The following LINGO2 variants were observed in gnomAD, a reference collection of about 807,000 sequenced individuals.
LINGO2 encodes the protein leucine rich repeat and Ig domain containing 2.
In LINGO2, 14 loss-of-function variants were observed where a neutral mutation model predicts 30.6. That is an observed-to-expected ratio of 0.46 (90% CI 0.30 to 0.72). LINGO2 has a LOEUF of 0.72. Among genes scored for constraint, LINGO2 ranks in the 30% least tolerant of loss-of-function variants. LINGO2 has a pLI of 0.07. For missense variants in LINGO2, 729 were observed against 751.7 expected (o/e 0.97, Z 0.35); for synonymous variants, 317 against 288.5 (o/e 1.10, Z -1.00).
At chr9:29,001,872 A>T in the LINGO2 span, among the ~76,000 whole-genome samples, 1 of 151,836 alleles carries the variant, frequency 6.6e-6, no homozygotes, top group Non-Finnish European at 1.5e-5. Flanking sequence ...TTTCCCCACC[A>T]CTTACAGGTG....
At chr9:28,707,736 G>T in the LINGO2 span, among the ~76,000 whole-genome samples, 9 of 151,984 alleles carry the variant, frequency 5.9e-5, no homozygotes, top group East Asian at 1.2e-3. Flanking sequence ...AATACCTTAG[G>T]GGGCTGTATC....
intron 2 of LINGO2, among the ~76,000 whole-genome samples, chr9:28,463,384 T>C (rs1266066949): frequency 1.3e-5 from 2 of 151,752 alleles, no homozygotes; most frequent in African/African-American, 4.8e-5. Context: ...AAAAAATATA[T>C]AAATAAGTAA....
At chr9:28,953,126 C>T in the LINGO2 span, among the ~76,000 whole-genome samples, 1 of 152,020 alleles carries the variant, frequency 6.6e-6, no homozygotes, top group Non-Finnish European at 1.5e-5. Context: ...TATTGGGGTA[C>T]ATATGTTTGG....
the LINGO2 span, among the ~76,000 whole-genome samples, chr9:28,944,482 T>C: frequency 2.0e-5 from 3 of 151,750 alleles, no homozygotes; most frequent in African/African-American, 7.3e-5. Context: ...CTCGGCTCAT[T>C]GCAACCTCTG....
chr9:28,214,007 T>C (rs1820682022), intron 4 of LINGO2, among the ~76,000 whole-genome samples: 1 of 151,624 alleles, frequency 6.6e-6, no homozygotes, highest in African/African-American at 2.4e-5. Flanking sequence ...GGAGGATTTT[T>C]TGACTTATAT....
At chr9:29,069,587 G>A in the LINGO2 span, among the ~76,000 whole-genome samples, 1 of 151,968 alleles carries the variant, frequency 6.6e-6, no homozygotes, top group South Asian at 2.1e-4. Context: ...GGGTGCTGTA[G>A]AAACATTCTT....
At chr9:29,145,419 T>C in the LINGO2 span, among the ~76,000 whole-genome samples, 1 of 146,740 alleles carries the variant, frequency 6.8e-6, no homozygotes, top group Non-Finnish European at 1.5e-5. Flanking sequence ...AAAAAATTAG[T>C]GTTTTTTTTT....
intron 2 of LINGO2, among the ~76,000 whole-genome samples, chr9:28,383,595 A>G (rs1432406100): frequency 1.3e-5 from 2 of 152,082 alleles, no homozygotes; most frequent in African/African-American, 4.8e-5. Flanking sequence ...AAATATATAC[A>G]GGAAATTGGA....
At chr9:28,125,027 C>A (rs955490532) in intron 4 of LINGO2, among the ~76,000 whole-genome samples, 3 of 152,196 alleles carry the variant, frequency 2.0e-5, no homozygotes, top group Admixed American at 1.3e-4. Flanking sequence ...ATCCTAAATG[C>A]CATTTCAAAT....
chr9:28,330,261 T>C (rs901566274), intron 3 of LINGO2, among the ~76,000 whole-genome samples: 1 of 152,154 alleles, frequency 6.6e-6, no homozygotes, highest in African/African-American at 2.4e-5. Flanking sequence ...CCTCAGCCTC[T>C]AAAATTGTGA....
At chr9:28,954,972 G>A in the LINGO2 span, among the ~76,000 whole-genome samples, 1 of 152,000 alleles carries the variant, frequency 6.6e-6, no homozygotes, top group African/African-American at 2.4e-5. Flanking sequence ...GACTCATACC[G>A]AACCAATGTC....
At chr9:28,483,684 G>T (rs753696721) in intron 1 of LINGO2, among the ~76,000 whole-genome samples, 1 of 151,824 alleles carries the variant, frequency 6.6e-6, no homozygotes, top group Non-Finnish European at 1.5e-5. Flanking sequence ...TATATATGTT[G>T]TCTCACTGTG....
the LINGO2 span, among the ~76,000 whole-genome samples, chr9:29,097,995 C>A: frequency 1.1e-5 from 1 of 88,900 alleles, no homozygotes; most frequent in Non-Finnish European, 2.4e-5. Context: ...AAAGCACTAT[C>A]TAAATAAAAT....
the LINGO2 span, among the ~76,000 whole-genome samples, chr9:28,891,346 T>G: frequency 6.6e-6 from 1 of 152,016 alleles, no homozygotes; most frequent in Non-Finnish European, 1.5e-5. Flanking sequence ...CATAGTATTT[T>G]ATCATTCTTA....
chr9:27,987,040 T>TG (rs146091060), intron 5 of LINGO2, among the ~76,000 whole-genome samples: 1,610 of 151,746 alleles, frequency 0.011, 26 homozygotes, highest in African/African-American at 0.036. Context: ...CGACTTTTTT[T>TG]TGTGTGTGTG....
At chr9:28,243,811 C>T (rs1821898161) in intron 4 of LINGO2, among the ~76,000 whole-genome samples, 1 of 152,128 alleles carries the variant, frequency 6.6e-6, no homozygotes, top group African/African-American at 2.4e-5. Context: ...TACAAGAGCA[C>T]CCAGATTCAT....
At chr9:29,183,929 T>C in the LINGO2 span, among the ~76,000 whole-genome samples, 1 of 151,988 alleles carries the variant, frequency 6.6e-6, no homozygotes, top group African/African-American at 2.4e-5. Flanking sequence ...AATGTAACAC[T>C]TGAGATGCAC....
chr9:28,165,673 T>C (rs114334738), intron 4 of LINGO2, among the ~76,000 whole-genome samples: 2,112 of 152,298 alleles, frequency 0.014, 50 homozygotes, highest in African/African-American at 0.049. Flanking sequence ...TGATTCCTTT[T>C]GAGCTGGTAT....
the LINGO2 span, among the ~76,000 whole-genome samples, chr9:29,175,446 G>T: frequency 6.6e-6 from 1 of 151,438 alleles, no homozygotes; most frequent in African/African-American, 2.4e-5. Context: ...GCTCTAAAAT[G>T]TAACATTAAA....
Sources: gnomAD v4.1 joint callset for allele counts (sites outside exome capture counted in the v4.1 genomes callset) on GRCh38, gnomAD v4.1.1 for gene constraint, MANE v1.5 for transcripts, NCBI Gene and HGNC (gene_info 2026-07-23, HGNC 2026-07-21) for gene names.